KIF15: variants seen among roughly 807,000 people sequenced by gnomAD.
KIF15 encodes the protein kinesin-like protein KIF15.
Under a neutral mutation model 190.6 loss-of-function variants are expected in KIF15, and 140 were observed. The ratio of observed to expected loss-of-function variants is 0.73; its 90% confidence interval spans 0.64 to 0.84. The LOEUF (loss-of-function observed/expected upper bound fraction) is 0.84, where lower values mean the gene tolerates loss of function less well. Among genes scored for constraint, KIF15 ranks in the 40% least tolerant of loss-of-function variants. The pLI, the probability that KIF15 is intolerant of heterozygous loss-of-function variation, is 0.00. For synonymous variants in KIF15, 528 were observed against 551.3 expected, an observed-to-expected ratio of 0.96 and a Z score of 0.59; for missense variants, 1,372 against 1,584.4, an observed-to-expected ratio of 0.87 and a Z score of 2.28.
chr3:44,769,457 G>T (rs984283947), intron 1 of KIF15, among the ~76,000 whole-genome samples: 1 of 152,174 alleles, frequency 6.6e-6, no homozygotes, highest in South Asian at 2.1e-4. Flanking sequence ...TGTCAAAGCG[G>T]CTTTCCCCCA....
chr3:44,831,162 T>TA, intron 26 of KIF15, 144 bp downstream of exon 26: 1 of 920,664 alleles, frequency 1.1e-6, no homozygotes, highest in Non-Finnish European at 1.6e-6. Context: ...GACGCTTCAC[T>TA]ACACAGGCTC....
chr3:44,864,142 G>A (rs1388149476), intron 6 of KIF15: 3 of 1,608,756 alleles, frequency 1.9e-6, no homozygotes, highest in South Asian at 1.1e-5. Context: ...CTTTGAGGGG[G>A]TCTGCAGGTT....
chr3:44,826,562 T>A (rs1697666304), intron 22 of KIF15, 102 bp downstream of exon 22: 14 of 783,094 alleles, frequency 1.8e-5, no homozygotes, highest in Non-Finnish European at 3.9e-6. Flanking sequence ...TAAAGAGTTA[T>A]TTTTTTAAAG....
At position 44,814,842 on chromosome 3, in the gene KIF15, C is replaced by T. The variant is rs57339731; in HGVS notation, c.2384-69C>T. The T allele has an allele frequency of 9.3e-6, 12 of 1,287,064 alleles. No individual in the cohort carries two copies. In the Admixed American group the frequency reaches 2.5e-4, roughly 27 times the overall value. The allele number at this position is 1,287,064 out of a possible 1,614,324, so 79.7% of individuals were successfully genotyped here. On this transcript the variant is annotated intron_variant, in intron 19 of 34. Coordinates refer to ENST00000326047, the MANE Select transcript of KIF15 (RefSeq NM_020242.3). ...CGACTTGATTTTGCTAATTGTGGGA[C>T]TAGTACCTATCAGATTTATTTGTCT...
chr3:44,848,076 T>A lies in KIF15; in HGVS notation c.3768+19T>A. On this transcript the variant is annotated intron_variant, in intron 31 of 34. Transcript: ENST00000326047. ...TGCAAAAGTAAGATTTTTTTTTATG[T>A]AATAGTTTCTTCTTGTCTGAGCAAT... 6.9e-7 allele frequency: 1 copy of A among 1,439,826 alleles called. No homozygotes were observed. The highest frequency in any genetic ancestry group is 9.8e-7 in the Non-Finnish European group (1 of 1,025,528). 89.2% of individuals were successfully genotyped at this position (1,439,826 alleles called of 1,614,324 possible).
rs9311362 is a variant in KIF15 at position 44,801,212 on chromosome 3, A to C, written c.1223-238A>C. 1.0e-3 allele frequency among the ~76,000 whole-genome samples: 125 copies of C among 125,250 alleles called. 2 individuals carry two copies. The South Asian group carries it at 0.011, about 11-fold the overall frequency. The allele number at this position is 125,250 out of a possible 152,430, so 82.2% of individuals were successfully genotyped here. A position where few individuals can be genotyped will look rare whatever the true frequency, so the allele number is the denominator to read the frequency against. On this transcript the variant is annotated intron_variant, in intron 11 of 34. Coordinates refer to ENST00000326047, the MANE Select transcript of KIF15 (RefSeq NM_020242.3). The stretch of plus-strand genomic sequence containing the variant: ...TTTAGTAGAGATCGGGGGCGGCGGG[A>C]GGGGGGGGTCTCACCATGTTGGCCA...
intron 3 of KIF15, among the ~76,000 whole-genome samples, chr3:44,776,784 C>T (rs1363116671): frequency 1.3e-5 from 2 of 152,272 alleles, no homozygotes; most frequent in East Asian, 1.9e-4. Flanking sequence ...ACAATAGCCT[C>T]TAGCCAAATG....
At chr3:44,862,080 G>GGCC (rs778595547) in intron 6 of KIF15, 48 of 1,297,938 alleles carry the variant, frequency 3.7e-5, no homozygotes, top group African/African-American at 4.6e-5. Flanking sequence ...TCGGGGCCCT[G>GGCC]GCCGCCGCCT....
intron 20 of KIF15, among the ~76,000 whole-genome samples, chr3:44,820,944 T>C (rs1236498358): frequency 1.4e-4 from 20 of 145,722 alleles, no homozygotes; most frequent in African/African-American, 3.7e-4. Flanking sequence ...GAGGCGCCCC[T>C]CACCTCCCGG....
intron 6 of KIF15, chr3:44,861,885 C>G: frequency 2.0e-6 from 3 of 1,490,112 alleles, no homozygotes; most frequent in South Asian, 2.5e-5. Flanking sequence ...GCGCTCTGCC[C>G]TGCGGGCAGC....
intron 19 of KIF15, among the ~76,000 whole-genome samples, chr3:44,813,979 A>C (rs536871980): frequency 1.2e-4 from 19 of 152,306 alleles, no homozygotes; most frequent in African/African-American, 4.3e-4. Context: ...GAATGTTTTA[A>C]TATTAACAAA....
chr3:44,801,958 A>G lies in KIF15; in HGVS notation c.1493A>G (p.Gln498Arg). ...CTCTCAGAATTAAGGAATGAGATTC[A>G]AACTCTGCGAGAACAAGTGAGTATA... is the stretch of plus-strand genomic sequence containing the variant. Reference protein sequence around the residue: ...RLLSELRNEIQTLREQIEHHP... With the variant: ...RLLSELRNEIRTLREQIEHHP... The change falls in exon 13 of 35, where the codon CAA becomes CGA. Residue 498 changes from glutamine (Q) to arginine (R), a missense_variant. Physicochemically the swap from Gln to Arg is conservative, Grantham distance 43. Transcript: ENST00000326047. The G allele has an allele frequency of 6.2e-7, 1 of 1,610,602 alleles. No homozygotes were observed. Among genetic ancestry groups the G allele is most frequent in the African/African-American group, 1.3e-5 (1 of 75,018 alleles).
chr3:44,797,481 TA>T (rs1707043298), intron 8 of KIF15, 69 bp from the exon 9 acceptor site: 10 of 1,525,970 alleles, frequency 6.6e-6, no homozygotes, highest in Admixed American at 1.9e-5. Context: ...CTGCTAGATA[TA>T]TTTTCATTCA....
intron 8 of KIF15, among the ~76,000 whole-genome samples, chr3:44,796,221 A>G (rs1559541066): frequency 6.6e-6 from 1 of 152,162 alleles, no homozygotes; most frequent in Non-Finnish European, 1.5e-5. Context: ...TGGGTTGAGC[A>G]TGGTGGCTTA....
At chr3:44,761,996 G>C in intron 1 of KIF15, 112 bp downstream of exon 1, 7 of 1,368,028 alleles carry the variant, frequency 5.1e-6, no homozygotes, top group Non-Finnish European at 6.3e-6. Context: ...AACTGCAGGA[G>C]CTGAGTGACC....
At chr3:44,799,451 G>C (rs148841220) in intron 10 of KIF15, among the ~76,000 whole-genome samples, 3 of 152,130 alleles carry the variant, frequency 2.0e-5, no homozygotes, top group Non-Finnish European at 2.9e-5. Context: ...GGAGTACTGA[G>C]TATTTCACAA....
At chr3:44,861,893 AG>A in intron 6 of KIF15, 6 of 1,488,010 alleles carry the variant, frequency 4.0e-6, no homozygotes, top group Non-Finnish European at 5.3e-6. Flanking sequence ...CCCTGCGGGC[AG>A]CGGGTGCCAG....
intron 7 of KIF15, among the ~76,000 whole-genome samples, chr3:44,789,607 T>A (rs180773824): frequency 6.8e-6 from 1 of 146,654 alleles, no homozygotes; most frequent in African/African-American, 2.5e-5. Context: ...ACTAAGGTGT[T>A]GGTTTTTCAG....
intron 16 of KIF15, among the ~76,000 whole-genome samples, chr3:44,807,023 C>T (rs1260060756): frequency 6.6e-6 from 1 of 151,972 alleles, no homozygotes; most frequent in Non-Finnish European, 1.5e-5. Context: ...GGATTACAGG[C>T]AAGAGCCACT....
Sources: gnomAD v4.1 joint callset for allele counts (sites outside exome capture counted in the v4.1 genomes callset) on GRCh38, gnomAD v4.1.1 for gene constraint, MANE v1.5 for transcripts, NCBI Gene and HGNC (gene_info 2026-07-23, HGNC 2026-07-21) for gene names.